Variants in MAD1L1 observed in about 807,000 individuals in gnomAD.
MAD1L1 encodes mitotic arrest deficient 1 like 1, also known as mitotic spindle assembly checkpoint protein MAD1.
MAD1L1 carries 95 observed loss-of-function variants against 96.9 expected under a neutral mutation model. The observed-to-expected ratio is 0.98, with a 90% CI of 0.83 to 1.16. MAD1L1 has a LOEUF of 1.16. Among genes scored for constraint, MAD1L1 ranks in the 50% most tolerant of loss-of-function variants. MAD1L1 has a pLI of 0.00. For synonymous variants in MAD1L1, 473 were observed against 396.6 expected, an observed-to-expected ratio of 1.19 and a Z score of -2.29; for missense variants, 1,007 against 954.4, an observed-to-expected ratio of 1.06 and a Z score of -0.73.
chr7:2,217,946 A>G lies in MAD1L1; in HGVS notation c.678+16T>C, dbSNP rs1317628279. On this transcript the variant is annotated intron_variant, in intron 7 of 18. Coordinates refer to ENST00000265854, the MANE Select transcript of MAD1L1 (RefSeq NM_001013836.2). ...CCACAGGGATGTCCACAAGGCACTG[A>G]CAGGGAGTGACTCACCTTAATCTGC... The G allele has an allele frequency of 6.2e-7, 1 of 1,606,830 alleles. No individual in the cohort carries two copies. The highest frequency in any genetic ancestry group is 1.7e-5 in the Admixed American group (1 of 60,002).
chr7:2,123,026 G>A (rs1024765960), intron 11 of MAD1L1, among the ~76,000 whole-genome samples: 9 of 150,220 alleles, frequency 6.0e-5, no homozygotes, highest in African/African-American at 1.2e-4. Context: ...CAGGGGAGCC[G>A]GGCGCAGTGG....
chr7:2,177,450 A>G (rs1433940644), intron 10 of MAD1L1, among the ~76,000 whole-genome samples: 1 of 152,174 alleles, frequency 6.6e-6, no homozygotes, highest in African/African-American at 2.4e-5. Context: ...ACATCTCAAG[A>G]CTGTTTTCTT....
chr7:2,180,474 T>C (rs1791150935), intron 10 of MAD1L1, among the ~76,000 whole-genome samples: 1 of 152,200 alleles, frequency 6.6e-6, no homozygotes, highest in African/African-American at 2.4e-5. Flanking sequence ...AACAAAAAAC[T>C]GTCCACAGAT....
rs372775072 is a variant in MAD1L1 at position 2,051,008 on chromosome 7, C to T, written c.1218+18186G>A. Among the ~76,000 whole-genome samples the T allele has an allele frequency of 1.2e-4, 18 of 152,338 alleles. No homozygotes were observed. In the East Asian group the frequency reaches 3.5e-3, roughly 29 times the overall value. On this transcript the variant is annotated intron_variant, in intron 12 of 18. Coordinates refer to ENST00000265854, the MANE Select transcript of MAD1L1 (RefSeq NM_001013836.2). ...AGCTAACTTCCTTTCCTTTCAAGAT[C>T]AAGGTTATTCAAAGATTTGGATTTC...
chr7:2,223,820 T>G (rs1426606711), intron 4 of MAD1L1, among the ~76,000 whole-genome samples: 1 of 148,076 alleles, frequency 6.8e-6, no homozygotes, highest in Admixed American at 6.8e-5. Flanking sequence ...CAGCAGGTCT[T>G]TGGACTTCAG....
At chr7:1,985,287 C>CT (rs1178468803) in intron 14 of MAD1L1, among the ~76,000 whole-genome samples, 2 of 152,244 alleles carry the variant, frequency 1.3e-5, no homozygotes, top group African/African-American at 4.8e-5. Flanking sequence ...GCCTGGTGGC[C>CT]TGAGCGGGGC....
chr7:2,111,158 G>C (rs1030308704), intron 11 of MAD1L1, among the ~76,000 whole-genome samples: 22 of 152,210 alleles, frequency 1.4e-4, no homozygotes, highest in Non-Finnish European at 2.5e-4. Flanking sequence ...GAGAGGAGGA[G>C]CACACACACC....
chr7:2,121,028 G>T (rs534844746), intron 11 of MAD1L1, among the ~76,000 whole-genome samples: 2 of 152,214 alleles, frequency 1.3e-5, no homozygotes, highest in South Asian at 2.1e-4. Flanking sequence ...GGGCCCAAGT[G>T]GAGTCGCACG....
intron 18 of MAD1L1, among the ~76,000 whole-genome samples, chr7:1,890,910 T>G (rs1786496711): frequency 6.6e-6 from 1 of 152,206 alleles, no homozygotes. Context: ...GTCTGGGATT[T>G]CCACAGTCCA....
At chr7:2,196,530 C>T (rs55831522) in intron 10 of MAD1L1, among the ~76,000 whole-genome samples, 4,001 of 152,362 alleles carry the variant, frequency 0.026, 91 homozygotes, top group South Asian at 0.072. Flanking sequence ...TGTGTGTGTG[C>T]ACTACGTGGG....
rs143455096 is a variant in MAD1L1, at chr7:2,060,979, T to C, written c.1218+8215A>G. ...GCTACGAGAAGATAACTAAATACGT[T>C]TCAACAAAAGACTTTCACATCCAGA... On this transcript the variant is annotated intron_variant, in intron 12 of 18. Transcript: ENST00000265854. Among the ~76,000 whole-genome samples the C allele has an allele frequency of 1.3e-3, 203 of 152,266 alleles. 1 individual carries two copies. In the Middle Eastern group the frequency reaches 0.014, roughly 10 times the overall value.
intron 5 of MAD1L1, among the ~76,000 whole-genome samples, chr7:2,220,134 G>T (rs768835085): frequency 2.0e-5 from 3 of 152,196 alleles, no homozygotes; most frequent in Non-Finnish European, 1.5e-5. Flanking sequence ...CAAGGCACTG[G>T]CCAACCAACA....
chr7:1,916,099 C>T (rs1345660951), intron 17 of MAD1L1, among the ~76,000 whole-genome samples: 5 of 152,218 alleles, frequency 3.3e-5, no homozygotes, highest in African/African-American at 1.2e-4. Flanking sequence ...TCCCCACACA[C>T]TCCGCACCCA....
At chr7:1,942,839 G>A (rs919397382) in intron 16 of MAD1L1, among the ~76,000 whole-genome samples, 1 of 152,152 alleles carries the variant, frequency 6.6e-6, no homozygotes, top group Non-Finnish European at 1.5e-5. Context: ...GGCTTGCAAA[G>A]GGGGAACACG....
chr7:2,028,810 C>A (rs946512360), intron 12 of MAD1L1, among the ~76,000 whole-genome samples: 1 of 151,954 alleles, frequency 6.6e-6, no homozygotes, highest in African/African-American at 2.4e-5. Context: ...GTGGCACAGG[C>A]GGAAGGAGCA....
At chr7:2,211,134 C>T (rs944498282) in intron 10 of MAD1L1, among the ~76,000 whole-genome samples, 4 of 152,188 alleles carry the variant, frequency 2.6e-5, no homozygotes, top group African/African-American at 9.7e-5. Flanking sequence ...TTCCCGCCCA[C>T]TTTAAGCTGG....
At chr7:1,933,501 C>G (rs1003187965) in intron 17 of MAD1L1, among the ~76,000 whole-genome samples, 6 of 152,208 alleles carry the variant, frequency 3.9e-5, no homozygotes, top group African/African-American at 1.4e-4. Flanking sequence ...TGTCCAGGGA[C>G]CTTGCCAGCC....
chr7:2,149,509 T>C (rs1179372368), intron 10 of MAD1L1, among the ~76,000 whole-genome samples: 1 of 152,104 alleles, frequency 6.6e-6, no homozygotes, highest in African/African-American at 2.4e-5. Flanking sequence ...CCTGACAGTG[T>C]CACTCTTCAG....
chr7:2,009,361 C>T (rs184746454), intron 13 of MAD1L1, among the ~76,000 whole-genome samples: 10 of 152,346 alleles, frequency 6.6e-5, no homozygotes, highest in African/African-American at 2.4e-4. Context: ...CAGGCACAGA[C>T]CCCACACACG....
Sources: allele counts gnomAD v4.1 joint callset (sites outside exome capture counted in the v4.1 genomes callset), GRCh38; gene constraint gnomAD v4.1.1; transcripts MANE v1.5; gene names NCBI Gene and HGNC (gene_info 2026-07-23, HGNC 2026-07-21).